Variants in ZFHX3 observed in about 807,000 individuals in gnomAD.
The protein encoded by ZFHX3 is zinc finger homeobox 3, also known as zinc finger homeobox protein 3.
Under a neutral mutation model 279.1 loss-of-function variants are expected in ZFHX3, and 42 were observed. The ratio of observed to expected loss-of-function variants is 0.15; its 90% confidence interval spans 0.12 to 0.19. The LOEUF is 0.19. ZFHX3 is among the 10% of genes least tolerant of loss of function. The pLI is 1.00. For missense variants in ZFHX3, 4,981 were observed against 4,754.0 expected (o/e 1.05, Z -1.40); for synonymous variants, 2,293 against 1,957.8 (o/e 1.17, Z -4.52).
intron 7 of ZFHX3, among the ~76,000 whole-genome samples, chr16:73,111,045 A>G (rs1966367117): frequency 6.6e-6 from 1 of 151,994 alleles, no homozygotes; most frequent in Non-Finnish European, 1.5e-5. Context: ...AGTTCAAGCG[A>G]TTCTCCTGCC....
chr16:73,646,294 A>C (rs2052617752), intron 2 of ZFHX3, among the ~76,000 whole-genome samples: 1 of 152,168 alleles, frequency 6.6e-6, no homozygotes, highest in African/African-American at 2.4e-5. Context: ...ACAGTTGCAA[A>C]ATCAAAACTA....
intron 1 of ZFHX3, among the ~76,000 whole-genome samples, chr16:73,855,489 C>G (rs1456622589): frequency 6.6e-6 from 1 of 151,112 alleles, no homozygotes; most frequent in African/African-American, 2.5e-5. Context: ...TCCAGTAACA[C>G]GGGGTTTTTT....
chr16:73,145,338 T>A (rs1597181196), intron 5 of ZFHX3, among the ~76,000 whole-genome samples: 2 of 152,122 alleles, frequency 1.3e-5, no homozygotes, highest in Non-Finnish European at 2.9e-5. Flanking sequence ...CAGGGGCCAA[T>A]GTCAGGGTCA....
chr16:73,658,217 T>G (rs905798318), intron 2 of ZFHX3, among the ~76,000 whole-genome samples: 17 of 152,224 alleles, frequency 1.1e-4, no homozygotes, highest in Non-Finnish European at 2.2e-4. Context: ...AATACTAGCC[T>G]TTTAAATTCA....
chr16:73,325,928 A>AACACACAC (rs140609871), intron 3 of ZFHX3, among the ~76,000 whole-genome samples: 2 of 145,568 alleles, frequency 1.4e-5, no homozygotes, highest in Admixed American at 7.1e-5. Flanking sequence ...CACACACACA[A>AACACACAC]ACACACACAC....
intron 1 of ZFHX3, among the ~76,000 whole-genome samples, chr16:73,686,369 G>C (rs571379263): frequency 6.8e-4 from 103 of 152,274 alleles, no homozygotes; most frequent in African/African-American, 2.4e-3. Context: ...GCTGGGATAA[G>C]GCGTGAGCCA....
At chr16:72,849,981 G>A (rs2037575073) in intron 4 of ZFHX3, among the ~76,000 whole-genome samples, 1 of 151,142 alleles carries the variant, frequency 6.6e-6, no homozygotes, top group African/African-American at 2.4e-5. Context: ...GCTACGTCAG[G>A]GGACATAAGC....
chr16:73,577,553 G>A lies in ZFHX3; in HGVS notation c.-1547+102627C>T, dbSNP rs7206588. ...TCTTATGTTTTAATTAATCACTTCCGCTCACCTGCCTGTCCCTCAGACCCC... is the reference window on the plus strand; with the variant it reads ...TCTTATGTTTTAATTAATCACTTCCACTCACCTGCCTGTCCCTCAGACCCC... On this transcript the variant is annotated intron_variant, in intron 2 of 17. Coordinates refer to the ZFHX3 transcript ENST00000641206. 9.5e-3 allele frequency among the ~76,000 whole-genome samples: 1,443 copies of A among 152,128 alleles called. 29 individuals carry two copies. Among genetic ancestry groups the A allele is most frequent in the African/African-American group, 0.033 (1,367 of 41,476 alleles).
At chr16:73,149,822 T>G (rs1271112564) in intron 5 of ZFHX3, among the ~76,000 whole-genome samples, 1 of 152,186 alleles carries the variant, frequency 6.6e-6, no homozygotes, top group Non-Finnish European at 1.5e-5. Flanking sequence ...CTATGTAGAC[T>G]CACAGATGTA....
At chr16:73,270,885 C>T (rs936906525) in intron 4 of ZFHX3, among the ~76,000 whole-genome samples, 1 of 152,154 alleles carries the variant, frequency 6.6e-6, no homozygotes, top group African/African-American at 2.4e-5. Flanking sequence ...AGCCAGGTTG[C>T]AATTAGAACA....
chr16:73,227,072 T>C (rs2012617855), intron 5 of ZFHX3, among the ~76,000 whole-genome samples: 2 of 152,320 alleles, frequency 1.3e-5, no homozygotes, highest in Middle Eastern at 3.4e-3. Context: ...TTACACTTTC[T>C]GGGACACTAT....
At chr16:73,211,446 A>T (rs551036769) in intron 5 of ZFHX3, among the ~76,000 whole-genome samples, 32 of 152,208 alleles carry the variant, frequency 2.1e-4, no homozygotes, top group South Asian at 8.3e-4. Context: ...TCCATTTTTT[A>T]AAAAAAGAGG....
At chr16:73,297,060 G>GTA (rs1237081357) in intron 4 of ZFHX3, among the ~76,000 whole-genome samples, 1 of 151,530 alleles carries the variant, frequency 6.6e-6, no homozygotes, top group Non-Finnish European at 1.5e-5. Flanking sequence ...TGTATTTTTA[G>GTA]TAGAGACAGG....
chr16:73,303,708 A>G (rs12920635), intron 4 of ZFHX3, among the ~76,000 whole-genome samples: 2 of 151,912 alleles, frequency 1.3e-5, no homozygotes, highest in African/African-American at 4.8e-5. Context: ...AAAGATAATC[A>G]CCTCAATTAT....
intron 5 of ZFHX3, among the ~76,000 whole-genome samples, chr16:73,226,972 C>T (rs2012614835): frequency 1.3e-5 from 2 of 152,104 alleles, no homozygotes; most frequent in African/African-American, 4.8e-5. Flanking sequence ...GTTGAATTTA[C>T]CGATATTTTA....
intron 2 of ZFHX3, among the ~76,000 whole-genome samples, chr16:73,477,580 T>C (rs2143617045): frequency 6.6e-6 from 1 of 152,320 alleles, no homozygotes; most frequent in Non-Finnish European, 1.5e-5. Context: ...ACACCTACCC[T>C]CTGGTTTCCA....
At chr16:73,420,685 C>T (rs760322589) in intron 3 of ZFHX3, 3 of 152,228 alleles carry the variant, frequency 2.0e-5, no homozygotes, top group Non-Finnish European at 4.4e-5. Flanking sequence ...TGGCTGGTGT[C>T]GCCTCAGTTT....
At chr16:73,289,664 C>G (rs988735187) in intron 4 of ZFHX3, among the ~76,000 whole-genome samples, 1 of 152,010 alleles carries the variant, frequency 6.6e-6, no homozygotes, top group Non-Finnish European at 1.5e-5. Context: ...CTAGTACACC[C>G]GCTCTGCAAA....
chr16:73,747,058 T>A (rs1021181925), intron 1 of ZFHX3, among the ~76,000 whole-genome samples: 1 of 152,222 alleles, frequency 6.6e-6, no homozygotes, highest in Non-Finnish European at 1.5e-5. Context: ...GTAGATCTGC[T>A]CTGCTACTGG....
Sources: gnomAD v4.1 joint callset for allele counts (sites outside exome capture counted in the v4.1 genomes callset) on GRCh38, gnomAD v4.1.1 for gene constraint, MANE v1.5 for transcripts, NCBI Gene and HGNC (gene_info 2026-07-23, HGNC 2026-07-21) for gene names.